The following SYTL5 variants were observed in gnomAD, a reference collection of about 807,000 sequenced individuals.
SYTL5 encodes the protein synaptotagmin-like protein 5.
A neutral mutation model predicts 55.9 loss-of-function variants in SYTL5; 34 were observed. That is an observed-to-expected ratio of 0.61 (90% CI 0.46 to 0.81). The LOEUF is 0.81. Among genes scored for constraint, SYTL5 ranks in the 30% least tolerant of loss-of-function variants. The pLI is 0.00. For missense variants in SYTL5, 637 were observed against 546.7 expected, an observed-to-expected ratio of 1.17 and a Z score of -1.65; for synonymous variants, 221 against 188.7, an observed-to-expected ratio of 1.17 and a Z score of -1.40.
rs747176934 is a variant in SYTL5, at chrX:38,125,358, T to A, written c.1902T>A (p.Ser634Arg). Reference sequence around the variant, plus strand: ...ACAAAACTCTGGTAATAAAAAAGAGTGTTAACCCTCAGTGGAATCATACAT... The same window carrying A: ...ACAAAACTCTGGTAATAAAAAAGAGAGTTAACCCTCAGTGGAATCATACAT... ...TKHKTLVIKK[S>R]VNPQWNHTFM... The change falls in exon 16 of 17, where the codon AGT becomes AGA. Residue 634 changes from serine (S) to arginine (R), a missense_variant. Coordinates refer to ENST00000297875, the MANE Select transcript of SYTL5 (RefSeq NM_138780.3). The A allele has an allele frequency of 1.3e-5, 16 of 1,210,751 alleles. No individual in the cohort carries two copies. The South Asian group carries it at 2.6e-4, about 20-fold the overall frequency.
chrX:38,118,742 A>G (rs1311848425), intron 13 of SYTL5, among the ~76,000 whole-genome samples: 2 of 110,429 alleles, frequency 1.8e-5, no homozygotes, highest in Non-Finnish European at 3.8e-5. Context: ...GATGTACTAT[A>G]ATATCAAACC....
the SYTL5 span, among the ~76,000 whole-genome samples, chrX:37,986,625 G>C: frequency 9.0e-6 from 1 of 111,240 alleles, no homozygotes; most frequent in African/African-American, 3.3e-5. Flanking sequence ...ATGAGGGGTG[G>C]TCTCCTCCCT....
the SYTL5 span, among the ~76,000 whole-genome samples, chrX:37,998,140 C>T: frequency 8.9e-6 from 1 of 112,347 alleles, no homozygotes; most frequent in African/African-American, 3.2e-5. Context: ...TATTCTATTG[C>T]TCAGTAAAGC....
At chrX:37,950,189 T>C in the SYTL5 span, among the ~76,000 whole-genome samples, 2 of 111,559 alleles carry the variant, frequency 1.8e-5, no homozygotes, top group Admixed American at 9.6e-5. Context: ...GTTTTCCTAC[T>C]TAAGGAAATA....
chrX:37,916,741 A>G, the SYTL5 span, among the ~76,000 whole-genome samples: 1 of 112,385 alleles, frequency 8.9e-6, no homozygotes, highest in Non-Finnish European at 1.9e-5. Context: ...TTTTGAAGAT[A>G]GTAGAGAGTT....
chrX:38,093,794 T>G (rs1031202438), intron 7 of SYTL5, among the ~76,000 whole-genome samples: 1 of 110,118 alleles, frequency 9.1e-6, no homozygotes, highest in Non-Finnish European at 1.9e-5. Context: ...ACCACCCATA[T>G]TCTGACCAGC....
the SYTL5 span, among the ~76,000 whole-genome samples, chrX:37,942,337 C>T: frequency 8.9e-6 from 1 of 112,048 alleles, no homozygotes; most frequent in Non-Finnish European, 1.9e-5. Flanking sequence ...CGTGCTGCTT[C>T]TCCTGACAAG....
chrX:38,021,631 G>A (rs982896218), intron 1 of SYTL5, among the ~76,000 whole-genome samples: 4 of 112,286 alleles, frequency 3.6e-5, no homozygotes, highest in Non-Finnish European at 7.5e-5. Context: ...GCAGATGGCA[G>A]GATACCATTT....
intron 9 of SYTL5, among the ~76,000 whole-genome samples, chrX:38,099,219 T>A (rs1462091831): frequency 9.0e-6 from 1 of 111,176 alleles, no homozygotes; most frequent in Admixed American, 9.5e-5. Context: ...GTGATAATTG[T>A]TAAAACTAGG....
chrX:38,000,569 G>GT, the SYTL5 span, among the ~76,000 whole-genome samples: 2 of 111,956 alleles, frequency 1.8e-5, no homozygotes, highest in African/African-American at 6.5e-5. Flanking sequence ...AGCCTCAGTA[G>GT]GCATGTGTTA....
chrX:37,951,659 G>A, the SYTL5 span, among the ~76,000 whole-genome samples: 1,113 of 111,208 alleles, frequency 0.01, 15 homozygotes, highest in African/African-American at 0.035. Flanking sequence ...TTCTGGAGAG[G>A]TTTTGAGGAA....
chrX:38,097,880 GA>G lies in SYTL5; in HGVS notation c.1062+1660del, dbSNP rs796241632. The stretch of plus-strand genomic sequence containing the variant: ...TCAGTGGAATAGAATTGAGATTCCA[GA>G]AAAAAAAAAAAAACTTTATGGCCAA... On this transcript the variant is annotated intron_variant, in intron 9 of 16. Coordinates refer to ENST00000297875, the MANE Select transcript of SYTL5 (RefSeq NM_138780.3). Among the ~76,000 whole-genome samples, 532 of 88,755 alleles carry G rather than the reference GA, an allele frequency of 6.0e-3. 7 individuals are homozygous for G. Among genetic ancestry groups the G allele is most frequent in the African/African-American group, 0.019 (463 of 24,672 alleles). The allele number at this position is 88,755 out of a possible 115,157, so 77.1% of individuals were successfully genotyped here.
the SYTL5 span, among the ~76,000 whole-genome samples, chrX:37,907,666 C>A: frequency 9.0e-6 from 1 of 111,336 alleles, no homozygotes; most frequent in Non-Finnish European, 1.9e-5. Context: ...AAAGTAAGGT[C>A]TGTTGAAAAA....
the SYTL5 span, among the ~76,000 whole-genome samples, chrX:37,926,769 G>A: frequency 9.0e-6 from 1 of 111,243 alleles, no homozygotes; most frequent in Admixed American, 9.5e-5. Context: ...TCTCTCAACC[G>A]TGATAATTTA....
chrX:38,040,271 C>A (rs1361112155), intron 2 of SYTL5, among the ~76,000 whole-genome samples: 1 of 111,018 alleles, frequency 9.0e-6, no homozygotes, highest in Non-Finnish European at 1.9e-5. Context: ...CCATGTGAAA[C>A]AAACACATCA....
At chrX:37,910,081 A>G in the SYTL5 span, among the ~76,000 whole-genome samples, 6 of 111,409 alleles carry the variant, frequency 5.4e-5, no homozygotes, top group East Asian at 1.7e-3. Context: ...TCCCTAGATG[A>G]CTCCAACATG....
chrX:38,076,879 A>G (rs757037665), intron 6 of SYTL5, among the ~76,000 whole-genome samples, 178 bp downstream of exon 6: 4 of 112,081 alleles, frequency 3.6e-5, no homozygotes, highest in East Asian at 5.6e-4. Flanking sequence ...CCCTACTTCT[A>G]GAATTACAGC....
chrX:38,038,348 C>T (rs1364126796), intron 2 of SYTL5, among the ~76,000 whole-genome samples: 1 of 111,753 alleles, frequency 8.9e-6, no homozygotes, highest in Admixed American at 9.5e-5. Flanking sequence ...GAACTCTCCT[C>T]TCTCCTTGCA....
chrX:37,905,276 A>G, the SYTL5 span, among the ~76,000 whole-genome samples: 1 of 110,662 alleles, frequency 9.0e-6, no homozygotes, highest in Non-Finnish European at 1.9e-5. Flanking sequence ...AGCCTCCTCC[A>G]CAAGGAAGGG....
Sources: gnomAD v4.1 joint callset for allele counts (sites outside exome capture counted in the v4.1 genomes callset) on GRCh38, gnomAD v4.1.1 for gene constraint, MANE v1.5 for transcripts, NCBI Gene and HGNC (gene_info 2026-07-23, HGNC 2026-07-21) for gene names.